Variants in DZIP3 observed in about 807,000 individuals in gnomAD.
The protein encoded by DZIP3 is DAZ interacting zinc finger protein 3.
A neutral mutation model predicts 162.0 loss-of-function variants in DZIP3; 118 were observed. The ratio of observed to expected loss-of-function variants is 0.73; its 90% CI spans 0.63 to 0.85. DZIP3 has a LOEUF of 0.85. DZIP3 is among the 40% of genes least tolerant of loss of function. DZIP3 has a pLI of 0.00. For synonymous variants in DZIP3, 438 were observed against 458.6 expected (o/e 0.96, Z 0.57); for missense variants, 1,331 against 1,407.0 (o/e 0.95, Z 0.86).
chr3:108,672,072 C>T (rs1175255233), intron 22 of DZIP3, among the ~76,000 whole-genome samples: 2 of 151,966 alleles, frequency 1.3e-5, no homozygotes, highest in African/African-American at 2.4e-5. Context: ...CCCACTATAA[C>T]TTCACATAGC....
At chr3:108,590,361 A>G (rs1234101016) in intron 1 of DZIP3, among the ~76,000 whole-genome samples, 1 of 152,214 alleles carries the variant, frequency 6.6e-6, no homozygotes, top group Non-Finnish European at 1.5e-5. Flanking sequence ...ATCAGAAATC[A>G]TGTTTTTTCA....
intron 7 of DZIP3, among the ~76,000 whole-genome samples, chr3:108,626,272 A>C (rs960147080): frequency 2.6e-5 from 4 of 152,158 alleles, no homozygotes; most frequent in Non-Finnish European, 5.9e-5. Flanking sequence ...TAATGTTGTT[A>C]AGCCTTATAT....
At chr3:108,688,193 G>A in intron 29 of DZIP3, 97 bp downstream of exon 29, 1 of 1,407,558 alleles carries the variant, frequency 7.1e-7, no homozygotes, top group Non-Finnish European at 9.7e-7. Flanking sequence ...CAGAAAATCA[G>A]TAACTTGTAA....
In DZIP3 at chr3:108,653,156, A is replaced by G. The variant is rs545602376; in HGVS notation, c.2034-989A>G. Among the ~76,000 whole-genome samples the G allele has an allele frequency of 7.2e-5, 11 of 152,030 alleles. No individual in the cohort carries two copies. The East Asian group carries it at 1.9e-3, about 27-fold the overall frequency. On this transcript the variant is annotated intron_variant, in intron 18 of 32. Transcript: ENST00000361582. Reference sequence around the variant, plus strand: ...TGAGAATCAATGGTCTACACAAGCAATTGATTTCATCGAACTTTTCAGAAT... The same window carrying G: ...TGAGAATCAATGGTCTACACAAGCAGTTGATTTCATCGAACTTTTCAGAAT...
Position 108,672,739 on chromosome 3 carries a change from ATTG to A in DZIP3, c.2589+86_2589+88del, listed in dbSNP as rs1349920950. 3 of 1,100,198 alleles carry A rather than the reference ATTG, an allele frequency of 2.7e-6. No homozygotes were observed. The African/African-American group carries it at 4.8e-5, about 18-fold the overall frequency. 68.2% of individuals were successfully genotyped at this position (1,100,198 alleles called of 1,614,324 possible). Reference sequence around the variant, plus strand: ...CATCATACTAAAGAATTTGTAAAAGATTGTTTTTTGTATAAACAGAAATAAGAC... The same window carrying A: ...CATCATACTAAAGAATTTGTAAAAGATTTTTTGTATAAACAGAAATAAGAC... On this transcript the variant is annotated intron_variant, in intron 23 of 32. Coordinates refer to ENST00000361582, the MANE Select transcript of DZIP3 (RefSeq NM_014648.4).
chr3:108,672,179 C>T (rs556609094), intron 22 of DZIP3, among the ~76,000 whole-genome samples: 1 of 152,028 alleles, frequency 6.6e-6, no homozygotes, highest in East Asian at 1.9e-4. Flanking sequence ...CTTCCAAAGG[C>T]ACCACCTCCT....
At position 108,690,866 on chromosome 3, in the gene DZIP3, G is replaced by T; in HGVS notation, c.3596G>T (p.Gly1199Val). Residue 1199 changes from glycine (G) to valine (V), a missense_variant, in exon 32 of 33, where the codon GGT becomes GTT. By Grantham distance (109) the Gly-to-Val change is moderately radical. Transcript: ENST00000361582. ...LHVLLPEEFP[G>V]HPSRQLPKI ...GTTTTGCTACCAGAAGAATTCCCTG[G>T]TCACCCCAGCCGGCAGTTGCCCAAG... The T allele has an allele frequency of 1.9e-6, 3 of 1,614,130 alleles. No individual in the cohort carries two copies. Among genetic ancestry groups the T allele is most frequent in the Non-Finnish European group, 2.5e-6 (3 of 1,179,992 alleles).
intron 5 of DZIP3, among the ~76,000 whole-genome samples, chr3:108,622,880 C>CTCTCTGTGTGTGTGTG (rs796232998): frequency 2.4e-4 from 13 of 53,096 alleles, no homozygotes; most frequent in African/African-American, 3.9e-4. Flanking sequence ...CTCTCTCTCT[C>CTCTCTGTGTGTGTGTG]TGTGTGTGTG....
At chr3:108,640,099 T>C (rs930517360) in intron 12 of DZIP3, among the ~76,000 whole-genome samples, 2 of 152,184 alleles carry the variant, frequency 1.3e-5, no homozygotes, top group Non-Finnish European at 2.9e-5. Context: ...ATATTCACTT[T>C]TAGTTTAATT....
chr3:108,600,473 A>G (rs1310298432), intron 1 of DZIP3, among the ~76,000 whole-genome samples: 1 of 152,150 alleles, frequency 6.6e-6, no homozygotes, highest in African/African-American at 2.4e-5. Flanking sequence ...ATGTGCTGGT[A>G]TGAAAAATGC....
intron 14 of DZIP3, among the ~76,000 whole-genome samples, chr3:108,645,843 C>T (rs1359917694): frequency 3.3e-5 from 5 of 152,112 alleles, no homozygotes; most frequent in Non-Finnish European, 7.3e-5. Context: ...ATAAGAAAGT[C>T]AGGCAAGAAT....
At chr3:108,590,620 G>A (rs115525534) in intron 1 of DZIP3, among the ~76,000 whole-genome samples, 2,116 of 152,294 alleles carry the variant, frequency 0.014, 53 homozygotes, top group African/African-American at 0.049. Flanking sequence ...CCCCTGCTGC[G>A]AGGGAACTGT....
At chr3:108,624,392 C>A in intron 5 of DZIP3, 52 bp from the exon 6 acceptor site, 1 of 998,034 alleles carries the variant, frequency 1.0e-6, no homozygotes, top group Non-Finnish European at 1.6e-6. Flanking sequence ...GCTTGTTGTA[C>A]TGAAAAGTAG....
intron 26 of DZIP3, among the ~76,000 whole-genome samples, chr3:108,680,344 G>A (rs1395047822): frequency 6.6e-6 from 1 of 151,988 alleles, no homozygotes; most frequent in Non-Finnish European, 1.5e-5. Flanking sequence ...TGGAAAGAAG[G>A]GAGTCAGACT....
At chr3:108,674,839 A>T (rs1419647276) in intron 24 of DZIP3, among the ~76,000 whole-genome samples, 1 of 151,884 alleles carries the variant, frequency 6.6e-6, no homozygotes, top group Non-Finnish European at 1.5e-5. Context: ...CCCAGGCATC[A>T]TTATTTTTAA....
chr3:108,627,032 A>G (rs9288879), intron 7 of DZIP3, among the ~76,000 whole-genome samples: 2,904 of 152,272 alleles, frequency 0.019, 99 homozygotes, highest in African/African-American at 0.067. Context: ...TTACTAGGGT[A>G]TCCACAAGAC....
intron 10 of DZIP3, among the ~76,000 whole-genome samples, chr3:108,635,563 CT>C (rs1942103985): frequency 6.8e-6 from 1 of 146,494 alleles, no homozygotes; most frequent in Non-Finnish European, 1.5e-5. Context: ...TTATATATAA[CT>C]GTATAACTAC....
intron 32 of DZIP3, among the ~76,000 whole-genome samples, chr3:108,692,895 AT>A (rs1188308098): frequency 1.3e-5 from 2 of 148,752 alleles, no homozygotes; most frequent in Non-Finnish European, 3.0e-5. Context: ...TTTAATATAT[AT>A]TATATAAAAA....
chr3:108,631,153 A>G (rs1266515907), intron 8 of DZIP3, among the ~76,000 whole-genome samples: 7 of 141,882 alleles, frequency 4.9e-5, no homozygotes, highest in Admixed American at 3.0e-4. Context: ...CTTCACTCTC[A>G]TCCTGGGAAT....
Sources: allele counts gnomAD v4.1 joint callset (sites outside exome capture counted in the v4.1 genomes callset), GRCh38; gene constraint gnomAD v4.1.1; transcripts MANE v1.5; gene names NCBI Gene and HGNC (gene_info 2026-07-23, HGNC 2026-07-21).